The following WDR20 variants were observed in gnomAD, a reference collection of about 807,000 sequenced individuals.
WDR20 encodes the protein WD repeat domain 20.
WDR20 carries 3 observed loss-of-function variants against 38.7 expected under a neutral mutation model. The observed-to-expected ratio is 0.08, with a 90% confidence interval of 0.04 to 0.20. The LOEUF is 0.20. Among genes scored for constraint, WDR20 ranks in the 10% least tolerant of loss-of-function variants. The probability of loss-of-function intolerance (pLI) is 1.00; values close to 1 mark genes in which losing one functional copy is unlikely to be tolerated. For synonymous variants in WDR20, 298 were observed against 285.6 expected (o/e 1.04, Z -0.44); for missense variants, 559 against 727.7 (o/e 0.77, Z 2.67).
chr14:102,158,226 T>A (rs2057889608), intron 1 of WDR20, among the ~76,000 whole-genome samples: 1 of 152,122 alleles, frequency 6.6e-6, no homozygotes, highest in African/African-American at 2.4e-5. Context: ...CCCCTAAGAT[T>A]CAGAACCATC....
At chr14:102,201,684 T>C (rs2060414264) in intron 2 of WDR20, among the ~76,000 whole-genome samples, 1 of 152,188 alleles carries the variant, frequency 6.6e-6, no homozygotes, top group South Asian at 2.1e-4. Flanking sequence ...CCAGAGCAGG[T>C]GTCTTGACGT....
At chr14:102,155,395 A>G (rs1275909498) in intron 1 of WDR20, among the ~76,000 whole-genome samples, 3 of 152,192 alleles carry the variant, frequency 2.0e-5, no homozygotes, top group African/African-American at 7.2e-5. Context: ...GAGCCCTGCA[A>G]GGATAAGGGG....
At chr14:102,150,012 A>C (rs752802527) in intron 1 of WDR20, among the ~76,000 whole-genome samples, 3 of 152,206 alleles carry the variant, frequency 2.0e-5, no homozygotes, top group Middle Eastern at 3.2e-3. Flanking sequence ...ATTTTGTAGT[A>C]GATTTTTAAA....
chr14:102,218,650 T>A (rs1331899393), downstream of WDR20, among the ~76,000 whole-genome samples: 2 of 151,960 alleles, frequency 1.3e-5, no homozygotes, highest in African/African-American at 2.4e-5. Flanking sequence ...AGTATTTTTT[T>A]ATCACTTAAT....
intron 1 of WDR20, among the ~76,000 whole-genome samples, chr14:102,176,376 CAG>C (rs2062082451): frequency 1.3e-5 from 2 of 151,324 alleles, no homozygotes; most frequent in African/African-American, 4.9e-5. Flanking sequence ...GCCTGGGCGA[CAG>C]AGCGAGACTC....
chr14:102,174,098 G>A (rs1367412956), intron 1 of WDR20, among the ~76,000 whole-genome samples: 2 of 151,368 alleles, frequency 1.3e-5, no homozygotes, highest in Non-Finnish European at 2.9e-5. Context: ...TGCTTGGAAT[G>A]CCATGATTAT....
In WDR20 at chr14:102,141,387, T is replaced by C. The variant is rs2051066736; in HGVS notation, c.249+1215T>C. Among the ~76,000 whole-genome samples the C allele has an allele frequency of 6.6e-5, 10 of 152,370 alleles. No individual in the cohort carries two copies. In the South Asian group the frequency reaches 2.1e-3, roughly 32 times the overall value. On this transcript the variant is annotated intron_variant, in intron 1 of 2. Transcript: ENST00000342702. ...ATCTAAATGTAGCAAAGTTGTTTCT[T>C]TGATTCAGGGTGAATCTTTTTTTCT...
downstream of WDR20, chr14:102,213,179 C>G: frequency 1.0e-6 from 1 of 985,586 alleles, no homozygotes; most frequent in Non-Finnish European, 1.2e-6. Context: ...GGGCAGGCTT[C>G]TAAACACTAC....
chr14:102,146,872 A>C (rs2053840895), intron 1 of WDR20, among the ~76,000 whole-genome samples: 1 of 152,110 alleles, frequency 6.6e-6, no homozygotes, highest in South Asian at 2.1e-4. Context: ...TTTGTATTAG[A>C]TTTACTTTGA....
At chr14:102,183,961 C>T (rs988029048) in intron 1 of WDR20, among the ~76,000 whole-genome samples, 4 of 152,206 alleles carry the variant, frequency 2.6e-5, no homozygotes, top group African/African-American at 9.6e-5. Flanking sequence ...CTTTAAAAAA[C>T]ATTTTTTTCT....
chr14:102,197,732 C>T, intron 2 of WDR20: 1 of 697,228 alleles, frequency 1.4e-6, no homozygotes, highest in South Asian at 1.5e-5. Context: ...AAGGGAGTGA[C>T]AGGATCAAAT....
rs749019804 is a variant in WDR20, at chr14:102,208,828, G to A, written c.658G>A (p.Glu220Lys). The A allele has an allele frequency of 1.3e-5, 21 of 1,614,138 alleles. No homozygotes were observed. The highest frequency in any genetic ancestry group is 1.6e-5 in the Non-Finnish European group (19 of 1,180,054). Residue 220 changes from glutamate (E) to lysine (K), a missense_variant, in exon 3 of 3, where the codon GAG (glutamate) becomes AAG (lysine). Transcript: ENST00000342702. The surrounding 1 kb of genome is among the most constrained non-coding windows in gnomAD (Gnocchi z 5.6). ...CCCTCTCCTTAAGTGGACGGTGGGC[G>A]AGGGGGCCCTCAACGAGTTTGCTTT... is the stretch of plus-strand genomic sequence containing the variant. ...RNPLLKWTVG[E>K]GALNEFAFSP...
At chr14:102,170,119 T>A (rs992472716) in intron 1 of WDR20, among the ~76,000 whole-genome samples, 21 of 152,326 alleles carry the variant, frequency 1.4e-4, no homozygotes, top group African/African-American at 4.3e-4. Context: ...CTGCACTGTT[T>A]TACACCTTGT....
At chr14:102,139,805 C>G, upstream of WDR20, 2 of 1,456,136 alleles carry the variant, frequency 1.4e-6, no homozygotes, top group Non-Finnish European at 9.3e-7. Flanking sequence ...GGCTGGCCCG[C>G]GGGTGGGAGG....
intron 1 of WDR20, chr14:102,193,456 C>T: frequency 6.2e-7 from 1 of 1,612,712 alleles, no homozygotes; most frequent in Non-Finnish European, 8.5e-7. Context: ...CTTATTTCAT[C>T]CTCCAGACAA....
intron 1 of WDR20, among the ~76,000 whole-genome samples, chr14:102,172,976 C>T (rs1314551512): frequency 1.3e-5 from 2 of 148,956 alleles, no homozygotes; most frequent in South Asian, 2.1e-4. Context: ...CCAGACGGGG[C>T]GGCGGGGCAA....
At chr14:102,184,225 C>G (rs1259109603) in intron 1 of WDR20, among the ~76,000 whole-genome samples, 3 of 152,120 alleles carry the variant, frequency 2.0e-5, no homozygotes. Context: ...TTTCATTAGC[C>G]TAAGGAAGCC....
At chr14:102,149,997 A>C (rs1008266249) in intron 1 of WDR20, among the ~76,000 whole-genome samples, 3 of 152,200 alleles carry the variant, frequency 2.0e-5, no homozygotes, top group African/African-American at 7.2e-5. Context: ...CCAGACGTCG[A>C]TTCTATTTTG....
At position 102,209,806 on chromosome 14, in the gene WDR20, A is replaced by G. The variant is rs1168398503; in HGVS notation, c.1636A>G (p.Ile546Val). The G allele has an allele frequency of 4.3e-6, 7 of 1,614,006 alleles. No individual in the cohort carries two copies. In the Admixed American group the frequency reaches 6.7e-5, roughly 15 times the overall value. The change falls in exon 3 of 3, where the codon ATA (isoleucine) becomes GTA (valine). Residue 546 changes from isoleucine (I) to valine (V), a missense_variant. Coordinates refer to ENST00000342702, the MANE Select transcript of WDR20 (RefSeq NM_144574.4). This position sits in a 1 kb window ranked among gnomAD's most constrained non-coding sequence, Gnocchi z 6.0. ...TGTACTAATATTTCTTGAAGACTGT[A>G]TAGTCACTGCTTGTCAGGAGGGATT... ...LTVLIFLEDC[I>V]VTACQEGFIC...
Sources: gnomAD v4.1 joint callset for allele counts (sites outside exome capture counted in the v4.1 genomes callset) on GRCh38, gnomAD v4.1.1 for gene constraint, Gnocchi (gnomAD v3.1) non-coding constraint, MANE v1.5 for transcripts, NCBI Gene and HGNC (gene_info 2026-07-23, HGNC 2026-07-21) for gene names.